The following BIRC2 variants were observed in gnomAD, a reference collection of about 807,000 sequenced individuals.
BIRC2 encodes baculoviral IAP repeat containing 2.
A neutral mutation model predicts 60.9 loss-of-function variants in BIRC2; 18 were observed. The ratio of observed to expected loss-of-function variants is 0.30; its 90% CI spans 0.20 to 0.44. The LOEUF (loss-of-function observed/expected upper bound fraction) is 0.44. Among genes scored for constraint, BIRC2 ranks in the 20% least tolerant of loss-of-function variants. BIRC2 has a pLI of 1.00. For synonymous variants in BIRC2, 282 were observed against 247.7 expected (o/e 1.14, Z -1.30); for missense variants, 701 against 728.5 (o/e 0.96, Z 0.43).
rs1473587028 is a variant in BIRC2 at position 102,350,598 on chromosome 11, A to G, written c.744A>G (p.Pro248=). Residue 248 remains proline (P), a synonymous_variant, in exon 2 of 9, where the codon CCA becomes CCG. Transcript: ENST00000227758. ...ACCGGAGGCATTTTCCCAACTGTCCATTTTTGGAAAATTCTCTAGAAACTC... is the reference window on the plus strand; with the variant it reads ...ACCGGAGGCATTTTCCCAACTGTCCGTTTTTGGAAAATTCTCTAGAAACTC... The part of the protein sequence containing the change: ...SEHRRHFPNC[P]FLENSLETLR... 5.0e-6 allele frequency: 8 copies of G among 1,614,170 alleles called. No homozygotes were observed. The highest frequency in any genetic ancestry group is 6.8e-6 in the Non-Finnish European group (8 of 1,180,024).
At position 102,350,652 on chromosome 11, in the gene BIRC2, G is replaced by A; in HGVS notation, c.798G>A (p.Met266Ile). 3 of 1,613,960 alleles carry A rather than the reference G, an allele frequency of 1.9e-6. No homozygotes were observed. Among genetic ancestry groups the A allele is most frequent in the Non-Finnish European group, 2.5e-6 (3 of 1,180,036 alleles). Residue 266 changes from methionine to isoleucine, a missense_variant, in exon 2 of 9, where the codon ATG becomes ATA. Around this residue, in one of 4 missense-constraint regions of BIRC2, gnomAD observed 375 missense variants for 365.9 expected, o/e 1.02. Coordinates refer to ENST00000227758, the MANE Select transcript of BIRC2 (RefSeq NM_001166.5). The part of the protein sequence containing the change: ...TLRFSISNLS[M>I]QTHAARMRTF... ...GGTTTAGCATTTCAAATCTGAGCAT[G>A]CAGACACATGCAGCTCGAATGAGAA... is the stretch of plus-strand genomic sequence containing the variant.
intron 4 of BIRC2, 131 bp from the exon 5 acceptor site, chr11:102,363,537 C>A: frequency 3.8e-6 from 2 of 521,408 alleles, no homozygotes; most frequent in South Asian, 4.0e-5. Flanking sequence ...GAAAGCAAAG[C>A]AAAGGTCATA....
chr11:102,352,993 T>G (rs1659874085), intron 3 of BIRC2, among the ~76,000 whole-genome samples: 1 of 152,170 alleles, frequency 6.6e-6, no homozygotes, highest in African/African-American at 2.4e-5. Context: ...TAATAATATA[T>G]CAAGATAAAT....
intron 3 of BIRC2, among the ~76,000 whole-genome samples, chr11:102,353,093 T>A (rs1270566384): frequency 2.6e-5 from 4 of 152,198 alleles, no homozygotes; most frequent in African/African-American, 9.7e-5. Flanking sequence ...ATGACTTAAT[T>A]ATGTTGGGCT....
chr11:102,367,918 C>T (rs1346430664), intron 5 of BIRC2, among the ~76,000 whole-genome samples: 2 of 152,162 alleles, frequency 1.3e-5, no homozygotes, highest in African/African-American at 4.8e-5. Context: ...TGTGATTTCC[C>T]CCCACTTTCC....
At chr11:102,360,556 G>A (rs993442316) in intron 3 of BIRC2, among the ~76,000 whole-genome samples, 1 of 151,300 alleles carries the variant, frequency 6.6e-6, no homozygotes, top group African/African-American at 2.4e-5. Flanking sequence ...CATTATCTGT[G>A]TTCTTTTGTA....
At chr11:102,351,629 A>G (rs1039715758) in intron 3 of BIRC2, among the ~76,000 whole-genome samples, 2 of 150,242 alleles carry the variant, frequency 1.3e-5, no homozygotes, top group Non-Finnish European at 3.0e-5. Flanking sequence ...AAAAAAAAAA[A>G]AAAAAAAAGA....
intron 3 of BIRC2, among the ~76,000 whole-genome samples, chr11:102,353,780 G>A (rs555665458): frequency 1.4e-5 from 2 of 143,150 alleles, no homozygotes; most frequent in African/African-American, 5.3e-5. Context: ...GTCACCATGT[G>A]CTGTACATTA....
chr11:102,377,783 C>T (rs367989420), intron 7 of BIRC2, 33 bp downstream of exon 7: 100 of 1,593,830 alleles, frequency 6.3e-5, no homozygotes, highest in Non-Finnish European at 7.5e-5. Context: ...TTTAGAAATT[C>T]TTAGGACTGG....
At chr11:102,377,236 G>C (rs1282772771) in intron 6 of BIRC2, among the ~76,000 whole-genome samples, 2 of 152,128 alleles carry the variant, frequency 1.3e-5, no homozygotes, top group East Asian at 3.8e-4. Context: ...AATTTTTACT[G>C]TCTTCTACAA....
At chr11:102,365,272 A>G (rs1258071780) in intron 5 of BIRC2, among the ~76,000 whole-genome samples, 2 of 152,214 alleles carry the variant, frequency 1.3e-5, no homozygotes, top group East Asian at 1.9e-4. Context: ...CGAGTCTTCA[A>G]TTTTTCCACC....
intron 6 of BIRC2, among the ~76,000 whole-genome samples, chr11:102,370,114 T>A (rs1459594015): frequency 2.7e-5 from 4 of 150,144 alleles, no homozygotes; most frequent in Non-Finnish European, 6.0e-5. Flanking sequence ...ATTTTGTAGG[T>A]TGCCTGTTCA....
At chr11:102,360,379 C>A (rs1365046240) in intron 3 of BIRC2, among the ~76,000 whole-genome samples, 1 of 151,562 alleles carries the variant, frequency 6.6e-6, no homozygotes, top group Non-Finnish European at 1.5e-5. Flanking sequence ...GATAATTTCA[C>A]ATGATCTGCC....
In BIRC2 at chr11:102,349,896, G is replaced by A. The variant is rs770573618; in HGVS notation, c.42G>A (p.Ser14=). The A allele has an allele frequency of 3.7e-6, 6 of 1,612,708 alleles. No homozygotes were observed. Among genetic ancestry groups the A allele is most frequent in the African/African-American group, 1.3e-5 (1 of 74,884 alleles). ...CCCAAAGACTTTTCCCAGGTCCCTC[G>A]TATCAAAACATTAAGAGTATAATGG... ...TASQRLFPGP[S]YQNIKSIMED... Residue 14 remains serine, a synonymous_variant, in exon 2 of 9, where the codon TCG becomes TCA. Transcript: ENST00000227758.
chr11:102,363,746 T>G, intron 5 of BIRC2, 30 bp downstream of exon 5: 1 of 1,573,974 alleles, frequency 6.4e-7, no homozygotes. Flanking sequence ...AAGTATAGAG[T>G]GTAAATTTTT....
intron 3 of BIRC2, among the ~76,000 whole-genome samples, chr11:102,359,716 G>A (rs965390418): frequency 1.3e-5 from 2 of 152,016 alleles, no homozygotes; most frequent in African/African-American, 2.4e-5. Context: ...GGTCTTATAG[G>A]GTTTCTCTTG....
At position 102,349,709 on chromosome 11, in the gene BIRC2, A is replaced by T. The variant is rs1951331810; in HGVS notation, c.-146A>T. ...AGAGAGATACTCATCCTACCTGAAT[A>T]TAAACTGAGATAAATCCAGTAAAGA... is the stretch of plus-strand genomic sequence containing the variant. On this transcript the variant is annotated 5_prime_UTR_variant, in exon 2 of 9. Transcript: ENST00000227758. The T allele has an allele frequency of 1.2e-6, 1 of 833,706 alleles. No homozygotes were observed. Among genetic ancestry groups the T allele is most frequent in the Admixed American group, 2.9e-5 (1 of 34,322 alleles). 51.6% of individuals were successfully genotyped at this position (833,706 alleles called of 1,614,324 possible).
chr11:102,364,172 T>TATATATATATATATATACATAC (rs1351743517), intron 5 of BIRC2, among the ~76,000 whole-genome samples: 1 of 89,706 alleles, frequency 1.1e-5, no homozygotes, highest in East Asian at 3.6e-4. Flanking sequence ...TATATATATA[T>TATATATATATATATATACATAC]ATACACACAC....
Position 102,349,245 on chromosome 11 carries a change from C to T in BIRC2, c.-610C>T, listed in dbSNP as rs756503527. Reference sequence around the variant, plus strand: ...TTGTCAGCTGAAGTAATTTAGCCCACTTAAGTAAATACTATGATGATAAGC... The same window carrying T: ...TTGTCAGCTGAAGTAATTTAGCCCATTTAAGTAAATACTATGATGATAAGC... On this transcript the variant is annotated 5_prime_UTR_variant, in exon 2 of 9. Transcript: ENST00000227758. 1 of 152,332 alleles carries T rather than the reference C, an allele frequency of 6.6e-6. No individual in the cohort carries two copies. The highest frequency in any genetic ancestry group is 1.5e-5 in the Non-Finnish European group (1 of 68,150). The allele number at this position is 152,332 out of a possible 1,614,324, so 9.4% of individuals were successfully genotyped here.
Sources: allele counts gnomAD v4.1 joint callset (sites outside exome capture counted in the v4.1 genomes callset), GRCh38; gene constraint gnomAD v4.1.1; regional missense constraint gnomAD v4.1.1; transcripts MANE v1.5; gene names NCBI Gene and HGNC (gene_info 2026-07-23, HGNC 2026-07-21).